The following TGFBR2 variants were observed in gnomAD, a reference collection of about 807,000 sequenced individuals.
The protein encoded by TGFBR2 is TGF-beta receptor type-2.
In TGFBR2, 18 loss-of-function variants were observed where a neutral mutation model predicts 49.0. The observed-to-expected ratio is 0.37, with a 90% CI of 0.25 to 0.54. The LOEUF is 0.54. Among genes scored for constraint, TGFBR2 ranks in the 20% least tolerant of loss-of-function variants. The probability of loss-of-function intolerance (pLI) is 0.85; values close to 1 mark genes in which losing one functional copy is unlikely to be tolerated. For missense variants in TGFBR2, 525 were observed against 722.6 expected (o/e 0.73, Z 3.13); for synonymous variants, 282 against 275.9 (o/e 1.02, Z -0.22).
intron 3 of TGFBR2, among the ~76,000 whole-genome samples, chr3:30,650,901 G>T (rs1698871628): frequency 6.6e-6 from 1 of 152,146 alleles, no homozygotes; most frequent in South Asian, 2.1e-4. Flanking sequence ...TTTGGATGGG[G>T]TTGTTTAATC....
At chr3:30,631,272 C>A (rs990611458) in intron 1 of TGFBR2, among the ~76,000 whole-genome samples, 26 of 152,050 alleles carry the variant, frequency 1.7e-4, no homozygotes, top group Non-Finnish European at 5.9e-5. Context: ...GATTTCTTGA[C>A]CTCGTGATTC....
intron 2 of TGFBR2, among the ~76,000 whole-genome samples, chr3:30,649,672 T>A (rs1451261598): frequency 6.6e-6 from 1 of 152,212 alleles, no homozygotes; most frequent in African/African-American, 2.4e-5. Flanking sequence ...AGACTGCAGT[T>A]CTTTATCTGC....
intron 1 of TGFBR2, among the ~76,000 whole-genome samples, chr3:30,614,630 C>T (rs1430977252): frequency 3.3e-5 from 5 of 152,156 alleles, no homozygotes; most frequent in Non-Finnish European, 1.5e-5. Context: ...TAGTAGCTAC[C>T]ACTTATTGAG....
intron 5 of TGFBR2, among the ~76,000 whole-genome samples, chr3:30,682,673 C>T (rs188022278): frequency 6.6e-6 from 1 of 152,358 alleles, no homozygotes; most frequent in East Asian, 1.9e-4. Flanking sequence ...CCACCAGTCA[C>T]ATCTACTTCC....
At chr3:30,629,382 A>G (rs1698395425) in intron 1 of TGFBR2, among the ~76,000 whole-genome samples, 1 of 152,168 alleles carries the variant, frequency 6.6e-6, no homozygotes, top group African/African-American at 2.4e-5. Context: ...TTCATGAACC[A>G]GCTCCTCCCA....
At position 30,676,805 on chromosome 3, in the gene TGFBR2, A is replaced by T. The variant is rs756711880; in HGVS notation, c.1396+2559A>T. 3.9e-5 allele frequency among the ~76,000 whole-genome samples: 6 copies of T among 151,906 alleles called. No individual in the cohort carries two copies. Among genetic ancestry groups the T allele is most frequent in the Non-Finnish European group, 8.8e-5 (6 of 68,042 alleles). ...CGCATGGGGATGGCACTTCCTATCTAGCTGACATAGTTATTATTATCTAGT... is the reference window on the plus strand; with the variant it reads ...CGCATGGGGATGGCACTTCCTATCTTGCTGACATAGTTATTATTATCTAGT... On this transcript the variant is annotated intron_variant, in intron 5 of 6. Transcript: ENST00000295754. This position sits in a 1 kb window ranked among gnomAD's most constrained non-coding sequence, Gnocchi z 4.3.
intron 1 of TGFBR2, among the ~76,000 whole-genome samples, chr3:30,612,340 C>T (rs1467986799): frequency 2.6e-5 from 4 of 152,088 alleles, no homozygotes; most frequent in South Asian, 4.1e-4. Context: ...GTGGCCCAAG[C>T]TTCTTGTGCT....
At chr3:30,681,160 G>GAAA (rs55729736) in intron 5 of TGFBR2, among the ~76,000 whole-genome samples, 5 of 82,958 alleles carry the variant, frequency 6.0e-5, no homozygotes, top group South Asian at 3.6e-4. Context: ...CTTGTGAGAT[G>GAAA]AAAAAAAAAA....
intron 3 of TGFBR2, among the ~76,000 whole-genome samples, chr3:30,665,769 G>C (rs553682346): frequency 1.3e-4 from 20 of 152,262 alleles, no homozygotes; most frequent in Non-Finnish European, 2.8e-4. Flanking sequence ...CCCTTTTTGT[G>C]TGTCTGTGCC....
intron 3 of TGFBR2, among the ~76,000 whole-genome samples, chr3:30,659,835 G>A (rs1356990929): frequency 6.6e-6 from 1 of 151,718 alleles, no homozygotes; most frequent in Non-Finnish European, 1.5e-5. Flanking sequence ...TGGCAAGAAG[G>A]GTCCACTGAG....
At chr3:30,664,260 A>G (rs1409459299) in intron 3 of TGFBR2, among the ~76,000 whole-genome samples, 1 of 152,004 alleles carries the variant, frequency 6.6e-6, no homozygotes, top group African/African-American at 2.4e-5. Context: ...CTGGGATTAC[A>G]GGTGTGAGGC....
chr3:30,648,447 C>CACACACACACAT (rs1698814416), intron 2 of TGFBR2, among the ~76,000 whole-genome samples: 1 of 150,230 alleles, frequency 6.7e-6, no homozygotes, highest in African/African-American at 2.5e-5. Context: ...CACACACACA[C>CACACACACACAT]ACACACACAC....
intron 1 of TGFBR2, among the ~76,000 whole-genome samples, chr3:30,611,353 C>T (rs1698026227): frequency 6.6e-6 from 1 of 152,178 alleles, no homozygotes; most frequent in Admixed American, 6.5e-5. Flanking sequence ...AGTTTTAGTT[C>T]TGATCACAAT....
At position 30,691,909 on chromosome 3, in the gene TGFBR2, TTATATATATA is replaced by T. The variant is rs4016180; in HGVS notation, c.*320_*329del. On this transcript the variant is annotated 3_prime_UTR_variant, in exon 7 of 7. Transcript: ENST00000295754. ...GTATATAAATATGAATAGCTATGTTTTATATATATATATATATATCTATATATGTCTATAG... is the reference window on the plus strand; with the variant it reads ...GTATATAAATATGAATAGCTATGTTTTATATATATCTATATATGTCTATAG... 3.2e-5 allele frequency: 8 copies of T among 247,442 alleles called. 1 individual carries two copies. The highest frequency in any genetic ancestry group is 1.8e-4 in the African/African-American group (8 of 43,894). The allele number at this position is 247,442 out of a possible 1,614,324, so 15.3% of individuals were successfully genotyped here. A position where few individuals can be genotyped will look rare whatever the true frequency, so the allele number is the denominator to read the frequency against.
chr3:30,633,798 A>AG (rs1259607250), intron 1 of TGFBR2, among the ~76,000 whole-genome samples: 1 of 152,210 alleles, frequency 6.6e-6, no homozygotes, highest in Non-Finnish European at 1.5e-5. Flanking sequence ...TAAAAAGAAA[A>AG]GAGTTCAGGC....
At chr3:30,645,838 C>CTCTCTCTT (rs1391136567) in intron 2 of TGFBR2, among the ~76,000 whole-genome samples, 2 of 151,930 alleles carry the variant, frequency 1.3e-5, no homozygotes, top group Non-Finnish European at 2.9e-5. Flanking sequence ...CTCTCTCTCT[C>CTCTCTCTT]TCTCATTCCC....
chr3:30,662,004 T>A (rs1451488749), intron 3 of TGFBR2, among the ~76,000 whole-genome samples: 12 of 152,124 alleles, frequency 7.9e-5, no homozygotes, highest in Non-Finnish European at 1.8e-4. Context: ...AACATGGCTG[T>A]TCAACCTGAA....
chr3:30,675,595 C>A lies in TGFBR2; in HGVS notation c.1396+1349C>A, dbSNP rs959823911. Among the ~76,000 whole-genome samples, 6 of 152,168 alleles carry A rather than the reference C, an allele frequency of 3.9e-5. No homozygotes were observed. In the South Asian group the frequency reaches 1.2e-3, roughly 32 times the overall value. On this transcript the variant is annotated intron_variant, in intron 5 of 6. Coordinates refer to ENST00000295754, the MANE Select transcript of TGFBR2 (RefSeq NM_003242.6). ...AGAGACAGGGTTACACCGTGTTGAT[C>A]AGGCTGATATCGAACTCTTGACCTC...
At chr3:30,615,429 A>G (rs1252667866) in intron 1 of TGFBR2, among the ~76,000 whole-genome samples, 2 of 152,220 alleles carry the variant, frequency 1.3e-5, no homozygotes, top group East Asian at 1.9e-4. Context: ...ATTTGAAGTC[A>G]ATCCAAAAAA....
Sources: gnomAD v4.1 joint callset for allele counts (sites outside exome capture counted in the v4.1 genomes callset) on GRCh38, gnomAD v4.1.1 for gene constraint, Gnocchi (gnomAD v3.1) non-coding constraint, MANE v1.5 for transcripts, NCBI Gene and HGNC (gene_info 2026-07-23, HGNC 2026-07-21) for gene names.